Variants in CPM observed in about 807,000 individuals in gnomAD.
CPM encodes the protein renal carboxypeptidase.
CPM carries 35 observed loss-of-function variants against 46.4 expected under a neutral mutation model. The observed-to-expected ratio is 0.75, with a 90% confidence interval of 0.58 to 1.00. The LOEUF (loss-of-function observed/expected upper bound fraction) is 1.00. Ranked by LOEUF, CPM falls within the 50% of genes least tolerant of loss-of-function variation. The pLI is 0.00. For synonymous variants in CPM, 195 were observed against 195.3 expected (o/e 1.00, Z 0.01); for missense variants, 422 against 530.4 (o/e 0.80, Z 2.01).
Position 68,858,931 on chromosome 12 carries a change from T to C in CPM, c.1081A>G (p.Ile361Val). The C allele has an allele frequency of 6.7e-7, 1 of 1,494,226 alleles. No individual in the cohort carries two copies. The highest frequency in any genetic ancestry group is 8.9e-7 in the Non-Finnish European group (1 of 1,119,560). 92.6% of individuals were successfully genotyped at this position (1,494,226 alleles called of 1,614,324 possible). Reference sequence around the variant, plus strand: ...TAGCATTGCATACTTACATTTATTATATAAGACCCAGGCAAGAGAAGGAGA... The same window carrying C: ...TAGCATTGCATACTTACATTTATTACATAAGACCCAGGCAAGAGAAGGAGA... ...YYLLLLPGSY[I>V]INVTVPGHDP... The change falls in exon 8 of 9, where the codon ATA becomes GTA. Residue 361 changes from isoleucine (I) to valine (V), a missense_variant. Physicochemically the swap from Ile to Val is conservative, Grantham distance 29. Coordinates refer to ENST00000551568, the MANE Select transcript of CPM (RefSeq NM_198320.5).
chr12:68,859,310 C>T (rs895629016), intron 7 of CPM, among the ~76,000 whole-genome samples: 1 of 152,118 alleles, frequency 6.6e-6, no homozygotes, highest in Non-Finnish European at 1.5e-5. Flanking sequence ...TATATTAGTA[C>T]GTATTATCAC....
chr12:68,938,607 T>A (rs61926308), intron 1 of CPM, among the ~76,000 whole-genome samples: 25,854 of 152,112 alleles, frequency 0.17, 2,263 homozygotes, highest in Middle Eastern at 0.2. Context: ...TTAAAAAGCA[T>A]GTACACTTTT....
At chr12:68,884,876 A>C (rs563667980) in intron 3 of CPM, among the ~76,000 whole-genome samples, 1 of 152,352 alleles carries the variant, frequency 6.6e-6, no homozygotes, top group East Asian at 1.9e-4. Context: ...AGAACCTAAA[A>C]ATAAAAGGAG....
intron 5 of CPM, chr12:68,843,093 G>GT (rs760108963): frequency 0.035 from 6,705 of 192,774 alleles, 27 homozygotes; most frequent in Middle Eastern, 0.054. Flanking sequence ...TGTTGTGTGG[G>GT]TTTTTTTTTT....
intron 2 of CPM, among the ~76,000 whole-genome samples, chr12:68,926,990 T>C (rs1888293839): frequency 6.6e-6 from 1 of 152,238 alleles, no homozygotes; most frequent in Non-Finnish European, 1.5e-5. Context: ...TGGTTCCAAG[T>C]ATTTGCTATT....
At chr12:68,942,305 T>A (rs1888777895) in intron 1 of CPM, among the ~76,000 whole-genome samples, 1 of 152,188 alleles carries the variant, frequency 6.6e-6, no homozygotes, top group South Asian at 2.1e-4. Context: ...TAGAAAGGAT[T>A]TGTATACACA....
chr12:68,863,362 G>A (rs965105974), intron 7 of CPM, among the ~76,000 whole-genome samples: 1 of 152,142 alleles, frequency 6.6e-6, no homozygotes, highest in Non-Finnish European at 1.5e-5. Flanking sequence ...CTCAGAGACC[G>A]GGACAAGCAA....
At chr12:68,941,318 G>T (rs1182265381) in intron 1 of CPM, among the ~76,000 whole-genome samples, 1 of 151,934 alleles carries the variant, frequency 6.6e-6, no homozygotes, top group Non-Finnish European at 1.5e-5. Flanking sequence ...TCAAATGGTC[G>T]CTCAGAAATA....
At chr12:68,895,857 T>C (rs1468422919) in intron 2 of CPM, among the ~76,000 whole-genome samples, 1 of 152,268 alleles carries the variant, frequency 6.6e-6, no homozygotes, top group East Asian at 1.9e-4. Context: ...ATCACTTTCA[T>C]GCTTTGACAA....
At chr12:68,924,479 A>AG (rs1200554124) in intron 2 of CPM, among the ~76,000 whole-genome samples, 2 of 57,118 alleles carry the variant, frequency 3.5e-5, no homozygotes, top group Non-Finnish European at 6.7e-5. Flanking sequence ...GACTCCATAT[A>AG]GAAAAAAAAA....
At chr12:68,903,405 G>A (rs1467221316) in intron 2 of CPM, among the ~76,000 whole-genome samples, 1 of 152,162 alleles carries the variant, frequency 6.6e-6, no homozygotes, top group African/African-American at 2.4e-5. Flanking sequence ...GTCAGAGTAG[G>A]CCCAAGATTA....
In CPM at chr12:68,856,087, T is replaced by C. The variant is rs371786488; in HGVS notation, c.*350A>G. 2 of 241,056 alleles carry C rather than the reference T, an allele frequency of 8.3e-6. No homozygotes were observed. The highest frequency in any genetic ancestry group is 1.9e-4 in the East Asian group (2 of 10,556). The allele number at this position is 241,056 out of a possible 1,614,324, so 14.9% of individuals were successfully genotyped here. A position where few individuals can be genotyped will look rare whatever the true frequency, so the allele number is the denominator to read the frequency against. ...AATAAATGTTCATCTTCATTGCTTA[T>C]ATTCATCCGGTTCTCTGTATACAAA... On this transcript the variant is annotated 3_prime_UTR_variant, in exon 9 of 9. Coordinates refer to ENST00000551568, the MANE Select transcript of CPM (RefSeq NM_198320.5).
intron 1 of CPM, among the ~76,000 whole-genome samples, chr12:68,961,662 C>T (rs1209520495): frequency 1.3e-5 from 2 of 151,944 alleles, no homozygotes; most frequent in Non-Finnish European, 2.9e-5. Flanking sequence ...ACTTGTAATC[C>T]CAGCACTTTG....
chr12:68,911,296 G>A (rs1887585100), intron 2 of CPM, among the ~76,000 whole-genome samples: 1 of 152,144 alleles, frequency 6.6e-6, no homozygotes, highest in Admixed American at 6.5e-5. Context: ...GTCTGTCCAG[G>A]ATGCTATAAC....
At chr12:68,901,599 G>A (rs1011824571) in intron 2 of CPM, among the ~76,000 whole-genome samples, 13 of 152,164 alleles carry the variant, frequency 8.5e-5, no homozygotes, top group Non-Finnish European at 1.5e-4. Context: ...AAAATCATAC[G>A]ATTTATGGGA....
chr12:68,858,909 C>G lies in CPM; in HGVS notation c.1089+14G>C. The G allele has an allele frequency of 7.1e-7, 1 of 1,405,096 alleles. No homozygotes were observed. The highest frequency in any genetic ancestry group is 9.4e-7 in the Non-Finnish European group (1 of 1,059,568). 87.0% of individuals were successfully genotyped at this position (1,405,096 alleles called of 1,614,324 possible). A position where few individuals can be genotyped will look rare whatever the true frequency, so the allele number is the denominator to read the frequency against. ...ATAATATTTTAATAACAATAACTAG[C>G]ATTGCATACTTACATTTATTATATA... On this transcript the variant is annotated intron_variant, in intron 8 of 8. Coordinates refer to ENST00000551568, the MANE Select transcript of CPM (RefSeq NM_198320.5).
intron 2 of CPM, among the ~76,000 whole-genome samples, chr12:68,900,728 C>G (rs1473673562): frequency 2.0e-5 from 3 of 152,012 alleles, no homozygotes; most frequent in Admixed American, 2.0e-4. Flanking sequence ...CATGAAGATA[C>G]ATGGAGGAAA....
chr12:68,882,393 G>C (rs1041123364), intron 3 of CPM, among the ~76,000 whole-genome samples: 14 of 144,596 alleles, frequency 9.7e-5, no homozygotes, highest in Admixed American at 6.0e-4. Context: ...GCAAGTGCAT[G>C]ATCTTGTTCT....
chr12:68,922,618 A>ATTT (rs10603077), intron 2 of CPM, among the ~76,000 whole-genome samples: 42 of 138,122 alleles, frequency 3.0e-4, no homozygotes, highest in African/African-American at 9.6e-4. Context: ...AGTTGGCAGC[A>ATTT]TTTTTTTTTT....
Sources: gnomAD v4.1 joint callset for allele counts (sites outside exome capture counted in the v4.1 genomes callset) on GRCh38, gnomAD v4.1.1 for gene constraint, MANE v1.5 for transcripts, NCBI Gene and HGNC (gene_info 2026-07-23, HGNC 2026-07-21) for gene names.